CCDC88A: variants seen among roughly 807,000 people sequenced by gnomAD.
CCDC88A encodes coiled-coil and HOOK domain protein 88A.
Under a neutral mutation model 234.3 loss-of-function variants are expected in CCDC88A, and 54 were observed. The observed-to-expected ratio is 0.23, with a 90% CI of 0.19 to 0.29. CCDC88A has a LOEUF of 0.29. Ranked by LOEUF, CCDC88A falls within the 10% of genes least tolerant of loss-of-function variation. The pLI is 1.00. For synonymous variants in CCDC88A, 753 were observed against 737.8 expected, an observed-to-expected ratio of 1.02 and a Z score of -0.33; for missense variants, 1,832 against 2,123.4, an observed-to-expected ratio of 0.86 and a Z score of 2.70.
intron 2 of CCDC88A, among the ~76,000 whole-genome samples, chr2:55,411,260 T>C (rs920980805): frequency 6.6e-6 from 1 of 152,190 alleles, no homozygotes; most frequent in African/African-American, 2.4e-5. Context: ...GGTCTTCCTT[T>C]CCATTTATCC....
intron 29 of CCDC88A, among the ~76,000 whole-genome samples, chr2:55,298,935 C>T (rs572657140): frequency 6.6e-6 from 1 of 151,242 alleles, no homozygotes; most frequent in South Asian, 2.1e-4. Context: ...CAAGGTGGCT[C>T]ACACCTGTAA....
At chr2:55,361,193 C>G (rs1671260867) in intron 7 of CCDC88A, among the ~76,000 whole-genome samples, 1 of 151,904 alleles carries the variant, frequency 6.6e-6, no homozygotes, top group African/African-American at 2.4e-5. Flanking sequence ...ATATCTTTAA[C>G]AACTTGAAAT....
rs890231824 is a variant in CCDC88A at position 55,382,559 on chromosome 2, C to T, written c.273+6219G>A. The stretch of plus-strand genomic sequence containing the variant: ...AAATGCTGTCTCTGATACTCAAATT[C>T]ACCATCTCTCCCTTATTCACAGGGC... On this transcript the variant is annotated intron_variant, in intron 3 of 32. Coordinates refer to ENST00000436346, the MANE Select transcript of CCDC88A (RefSeq NM_001365480.1). 3.3e-5 allele frequency among the ~76,000 whole-genome samples: 5 copies of T among 152,280 alleles called. 2 individuals carry two copies. The highest frequency in any genetic ancestry group is 3.3e-4 in the Admixed American group (5 of 15,278).
intron 2 of CCDC88A, among the ~76,000 whole-genome samples, chr2:55,413,053 A>T (rs947117803): frequency 5.3e-5 from 8 of 152,258 alleles, no homozygotes; most frequent in Admixed American, 1.3e-4. Flanking sequence ...AAAAAATTTT[A>T]AAAAATTAGC....
At chr2:55,410,458 C>T (rs537959201) in intron 2 of CCDC88A, among the ~76,000 whole-genome samples, 1 of 152,218 alleles carries the variant, frequency 6.6e-6, no homozygotes, top group South Asian at 2.1e-4. Context: ...GATTTGTTGG[C>T]CTGGTTTATA....
intron 2 of CCDC88A, among the ~76,000 whole-genome samples, chr2:55,390,053 A>AAAAAAAGAAAAAAAAAAAG (rs377022377): frequency 1.3e-5 from 1 of 79,770 alleles, no homozygotes; most frequent in African/African-American, 4.6e-5. Flanking sequence ...AAAAAAATAA[A>AAAAAAAGAAAAAAAAAAAG]AAATAAAGAT....
chr2:55,389,621 C>T (rs756687935), intron 2 of CCDC88A, among the ~76,000 whole-genome samples: 4 of 152,152 alleles, frequency 2.6e-5, no homozygotes, highest in Non-Finnish European at 4.4e-5. Flanking sequence ...AGATTAGAAT[C>T]TATGGTGCTT....
chr2:55,370,662 A>G lies in CCDC88A; in HGVS notation c.402+1790T>C, dbSNP rs1210752048. On this transcript the variant is annotated intron_variant, in intron 5 of 32. Coordinates refer to ENST00000436346, the MANE Select transcript of CCDC88A (RefSeq NM_001365480.1). ...GTCTCAAAAAAAAAAAAAAAAAAAA[A>G]AAAAAGAGAATTAACTTGCATATAA... 4.8e-4 allele frequency among the ~76,000 whole-genome samples: 71 copies of G among 147,452 alleles called. 2 individuals carry two copies. Among genetic ancestry groups the G allele is most frequent in the African/African-American group, 1.5e-3 (59 of 38,820 alleles).
chr2:55,388,826 T>C lies in CCDC88A; in HGVS notation c.225A>G (p.Arg75=). The change falls in exon 3 of 33, where the codon AGA becomes AGG. Residue 75 remains arginine (R), a synonymous_variant. Coordinates refer to ENST00000436346, the MANE Select transcript of CCDC88A (RefSeq NM_001365480.1). ...TCACCAAAATGGATAGATTGTGCAT[T>C]CTAAGTGAGGCATCATTATTGACTT... The part of the protein sequence containing the change: ...NKKVNNDASL[R]MHNLSILVRQ... 1 of 1,545,272 alleles carries C rather than the reference T, an allele frequency of 6.5e-7. No homozygotes were observed. The highest frequency in any genetic ancestry group is 1.4e-5 in the African/African-American group (1 of 72,690).
chr2:55,323,301 C>A (rs1683860123), intron 17 of CCDC88A: 1 of 152,140 alleles, frequency 6.6e-6, no homozygotes, highest in African/African-American at 2.4e-5. Flanking sequence ...CTAGTTTACC[C>A]TAGGAGATTC....
intron 10 of CCDC88A, 124 bp from the exon 11 acceptor site, chr2:55,344,638 G>A (rs952907109): frequency 6.4e-6 from 3 of 471,622 alleles, no homozygotes; most frequent in African/African-American, 6.0e-5. Context: ...AACCTACTGA[G>A]TAATAGAAAT....
intron 2 of CCDC88A, chr2:55,405,811 T>A (rs1419748785): frequency 6.6e-6 from 1 of 152,020 alleles, no homozygotes; most frequent in African/African-American, 2.4e-5. Context: ...ATGAAAATGA[T>A]CCCTACTGCA....
At position 55,334,973 on chromosome 2, in the gene CCDC88A, T is replaced by G. The variant is rs372600859; in HGVS notation, c.1848A>C (p.Glu616Asp). 6.3e-7 allele frequency: 1 copy of G among 1,589,350 alleles called. No individual in the cohort carries two copies. Among genetic ancestry groups the G allele is most frequent in the African/African-American group, 1.4e-5 (1 of 73,974 alleles). ...CTCCTTTTTCTTTATAATGTTCCAA[T>G]TCTTTTTTAATTTGTCTTTTTTCAA... ...IEFEKRQIKK[E>D]LEHYKEKGER... The change falls in exon 15 of 33, where the codon GAA (glutamate) becomes GAC (aspartate). Residue 616 changes from glutamate to aspartate, a missense_variant. Physicochemically the swap from Glu to Asp is conservative, Grantham distance 45 (BLOSUM62 2). Transcript: ENST00000436346. This position sits in a 1 kb window ranked among gnomAD's most constrained non-coding sequence, Gnocchi z 6.1.
chr2:55,410,680 T>C (rs77765273), intron 2 of CCDC88A, among the ~76,000 whole-genome samples: 7,447 of 152,018 alleles, frequency 0.049, 313 homozygotes, highest in African/African-American at 0.12. Context: ...ACCCAGGAGA[T>C]TGGAACCAGA....
intron 6 of CCDC88A, 60 bp downstream of exon 6, chr2:55,363,890 G>C: frequency 1.2e-6 from 1 of 868,010 alleles, no homozygotes; most frequent in South Asian, 1.7e-5. Flanking sequence ...TTAGGAGATA[G>C]ACAAATAAAC....
rs371444994 is a variant in CCDC88A at position 55,384,529 on chromosome 2, A to G, written c.273+4249T>C. On this transcript the variant is annotated intron_variant, in intron 3 of 32. Transcript: ENST00000436346. Reference sequence around the variant, plus strand: ...AATATTATATATAAATTATATATATATACATATATACGTATATATGTGTAT... The same window carrying G: ...AATATTATATATAAATTATATATATGTACATATATACGTATATATGTGTAT... 4.7e-4 allele frequency among the ~76,000 whole-genome samples: 23 copies of G among 48,654 alleles called. 5 individuals carry two copies. The highest frequency in any genetic ancestry group is 7.9e-4 in the Non-Finnish European group (16 of 20,368). 31.9% of individuals were successfully genotyped at this position (48,654 alleles called of 152,430 possible). A position where few individuals can be genotyped will look rare whatever the true frequency, so the allele number is the denominator to read the frequency against.
At chr2:55,341,212 A>G (rs1166078488) in intron 12 of CCDC88A, among the ~76,000 whole-genome samples, 4 of 135,550 alleles carry the variant, frequency 3.0e-5, no homozygotes, top group Non-Finnish European at 6.1e-5. Context: ...GTGGCATGAT[A>G]GTGGCTCACT....
chr2:55,367,809 T>C (rs1231819321), intron 5 of CCDC88A, among the ~76,000 whole-genome samples: 1 of 152,110 alleles, frequency 6.6e-6, no homozygotes, highest in Non-Finnish European at 1.5e-5. Flanking sequence ...ATACTAACGG[T>C]AGATTCCTTC....
At chr2:55,346,425 A>C in intron 9 of CCDC88A, 92 bp from the exon 10 acceptor site, 1 of 703,310 alleles carries the variant, frequency 1.4e-6, no homozygotes. Flanking sequence ...TTATTTATTT[A>C]TTTATTTATT....
Sources: gnomAD v4.1 joint callset for allele counts (sites outside exome capture counted in the v4.1 genomes callset) on GRCh38, gnomAD v4.1.1 for gene constraint, Gnocchi (gnomAD v3.1) non-coding constraint, MANE v1.5 for transcripts, NCBI Gene and HGNC (gene_info 2026-07-23, HGNC 2026-07-21) for gene names.